Variants in DNAH12 observed in about 807,000 individuals in gnomAD.
The protein encoded by DNAH12 is dynein axonemal heavy chain 12.
In DNAH12, 285 loss-of-function variants were observed where a neutral mutation model predicts 371.5. That is an observed-to-expected ratio of 0.77 (90% confidence interval 0.70 to 0.85). The LOEUF (loss-of-function observed/expected upper bound fraction) is 0.85, where lower values mean the gene tolerates loss of function less well. Among genes scored for constraint, DNAH12 ranks in the 40% least tolerant of loss-of-function variants. DNAH12 has a pLI of 0.00. For synonymous variants in DNAH12, 1,200 were observed against 1,213.0 expected (o/e 0.99, Z 0.22); for missense variants, 3,611 against 3,689.4 (o/e 0.98, Z 0.55).
chr3:57,450,208 A>G (rs987053491), intron 25 of DNAH12, among the ~76,000 whole-genome samples: 4 of 141,488 alleles, frequency 2.8e-5, no homozygotes, highest in Admixed American at 1.5e-4. Context: ...AGATCGCACC[A>G]CTGCACTCCA....
intron 23 of DNAH12, among the ~76,000 whole-genome samples, chr3:57,453,786 G>C (rs1474925693): frequency 6.6e-6 from 1 of 151,980 alleles, no homozygotes; most frequent in Non-Finnish European, 1.5e-5. Flanking sequence ...TGTTGGCCAG[G>C]CTGGTCTCGA....
chr3:57,453,716 G>A (rs1322622004), intron 23 of DNAH12, among the ~76,000 whole-genome samples: 1 of 152,078 alleles, frequency 6.6e-6, no homozygotes, highest in East Asian at 1.9e-4. Flanking sequence ...TGGGACTACA[G>A]GCATGTGCCA....
intron 28 of DNAH12, 57 bp downstream of exon 28, chr3:57,445,117 A>T: frequency 6.8e-7 from 1 of 1,465,464 alleles, no homozygotes; most frequent in African/African-American, 1.4e-5. Flanking sequence ...GATTAACCTC[A>T]CTAAAGAAAA....
chr3:57,439,988 T>C (rs2065254306), intron 29 of DNAH12, among the ~76,000 whole-genome samples: 1 of 152,128 alleles, frequency 6.6e-6, no homozygotes, highest in Non-Finnish European at 1.5e-5. Context: ...TACCATCTCA[T>C]ACAAGTCAGA....
chr3:57,415,093 C>T (rs1211561827), intron 38 of DNAH12, among the ~76,000 whole-genome samples: 1 of 151,984 alleles, frequency 6.6e-6, no homozygotes, highest in Non-Finnish European at 1.5e-5. Context: ...TCATTTCTCC[C>T]TGGGTCTCCC....
Position 57,377,237 on chromosome 3 carries a change from T to C in DNAH12, c.8224-15A>G, listed in dbSNP as rs2063298894. The C allele has an allele frequency of 6.6e-6, 1 of 152,156 alleles. No homozygotes were observed. Among genetic ancestry groups the C allele is most frequent in the South Asian group, 2.1e-4 (1 of 4,828 alleles). 9.4% of individuals were successfully genotyped at this position (152,156 alleles called of 1,614,324 possible). A position where few individuals can be genotyped will look rare whatever the true frequency, so the allele number is the denominator to read the frequency against. On this transcript the variant is annotated splice_polypyrimidine_tract_variant and intron_variant, in intron 52 of 73. Coordinates refer to ENST00000495027, the MANE Select transcript of DNAH12 (RefSeq NM_001366028.2). ...GGAGCCACTACCTTTTTGGGAAGAA[T>C]ATATGCAGATATGATGTGTACTTTG...
At chr3:57,414,543 G>A (rs574134944) in intron 38 of DNAH12, among the ~76,000 whole-genome samples, 2 of 151,886 alleles carry the variant, frequency 1.3e-5, no homozygotes, top group African/African-American at 2.4e-5. Context: ...CTCCTCCCCC[G>A]CTCCACTCTC....
chr3:57,297,109 C>G, intron 70 of DNAH12, 125 bp from the exon 71 acceptor site: 2 of 1,077,936 alleles, frequency 1.9e-6, no homozygotes, highest in Non-Finnish European at 2.6e-6. Context: ...GGCCCTCTTC[C>G]CTGACGTCAA....
chr3:57,381,942 ACTG>A (rs2063401370), intron 50 of DNAH12, among the ~76,000 whole-genome samples: 1 of 151,616 alleles, frequency 6.6e-6, no homozygotes, highest in Non-Finnish European at 1.5e-5. Flanking sequence ...ATCTTGGCTC[ACTG>A]TAACCTCTGC....
intron 4 of DNAH12, among the ~76,000 whole-genome samples, chr3:57,515,427 C>G (rs779978528): frequency 4.2e-5 from 6 of 144,402 alleles, no homozygotes; most frequent in Non-Finnish European, 7.6e-5. Flanking sequence ...TCCCACTGGC[C>G]AAATGTGGAA....
chr3:57,541,043 C>G (rs574535557), intron 2 of DNAH12, among the ~76,000 whole-genome samples: 72 of 151,366 alleles, frequency 4.8e-4, no homozygotes, highest in South Asian at 1.5e-3. Context: ...CTCTCCCCCT[C>G]CCTTTTATTT....
At chr3:57,547,547 T>C (rs1203626165), upstream of DNAH12, among the ~76,000 whole-genome samples, 1 of 152,100 alleles carries the variant, frequency 6.6e-6, no homozygotes, top group Non-Finnish European at 1.5e-5. Context: ...ATAAATAATA[T>C]TGCCATAAAA....
rs2061353885 is a variant in DNAH12, at chr3:57,301,802, G to A, written c.11327C>T (p.Ser3776Leu). ...TCCCAGGGGCTTAAGGCTTGGGTAT[G>A]AACGTTTGGCCCATATTTCTGGAAC... Reference protein sequence around the residue: ...GKVPEIWAKRSYPSLKPLGSY... With the variant: ...GKVPEIWAKRLYPSLKPLGSY... The change falls in exon 70 of 74, where the codon TCA (serine) becomes TTA (leucine). Residue 3776 changes from serine (S) to leucine (L), a missense_variant. Physicochemically the swap from Ser to Leu is moderately radical, Grantham distance 145. This residue lies in a region of DNAH12 where 2,266 missense variants were observed against 2,236.9 expected (regional missense o/e 1.01). Coordinates refer to ENST00000495027, the MANE Select transcript of DNAH12 (RefSeq NM_001366028.2). The A allele has an allele frequency of 1.1e-5, 17 of 1,551,566 alleles. No homozygotes were observed. The highest frequency in any genetic ancestry group is 1.5e-5 in the Non-Finnish European group (17 of 1,146,988).
intron 12 of DNAH12, among the ~76,000 whole-genome samples, chr3:57,486,481 C>A (rs970569541): frequency 7.2e-5 from 11 of 151,774 alleles, no homozygotes; most frequent in African/African-American, 2.7e-4. Flanking sequence ...CAGGAAAAAA[C>A]CATGTAAAAA....
Position 57,419,447 on chromosome 3 carries a change from G to C in DNAH12, c.5634C>G (p.Ile1878Met). The stretch of plus-strand genomic sequence containing the variant: ...TAGGGACTATGATATCTTGAATCTT[G>C]ATTTGTTTATCTCCTAAATTAGTAT... ...IKNTNLGDKQ[I>M]KIQDIIVPTM... Residue 1878 changes from isoleucine (I) to methionine (M), a missense_variant, in exon 37 of 74, where the codon ATC becomes ATG. Physicochemically the swap from Ile to Met is conservative, Grantham distance 10 (BLOSUM62 1). Transcript: ENST00000495027. 1 of 1,502,354 alleles carries C rather than the reference G, an allele frequency of 6.7e-7. No individual in the cohort carries two copies. Among genetic ancestry groups the C allele is most frequent in the Non-Finnish European group, 8.9e-7 (1 of 1,128,882 alleles). The allele number at this position is 1,502,354 out of a possible 1,614,324, so 93.1% of individuals were successfully genotyped here.
chr3:57,311,960 A>G (rs2061592400), intron 66 of DNAH12, among the ~76,000 whole-genome samples: 1 of 152,156 alleles, frequency 6.6e-6, no homozygotes, highest in Non-Finnish European at 1.5e-5. Flanking sequence ...AGAGTAGGAA[A>G]CAGTCTAGTA....
upstream of DNAH12, among the ~76,000 whole-genome samples, chr3:57,545,175 T>C (rs1407592786): frequency 2.6e-5 from 4 of 151,806 alleles, no homozygotes. Context: ...TTTTTTTTTT[T>C]TTGAGACAGA....
chr3:57,429,276 A>G (rs990438104), intron 33 of DNAH12, among the ~76,000 whole-genome samples: 1 of 151,952 alleles, frequency 6.6e-6, no homozygotes, highest in Admixed American at 6.6e-5. Context: ...TCCTGGGTTC[A>G]AGCGATTCTC....
chr3:57,538,560 T>C (rs1477682856), intron 2 of DNAH12, among the ~76,000 whole-genome samples: 4 of 152,190 alleles, frequency 2.6e-5, no homozygotes, highest in Non-Finnish European at 5.9e-5. Context: ...AAAAGTACAT[T>C]GTGTTATAAC....
Sources: allele counts gnomAD v4.1 joint callset (sites outside exome capture counted in the v4.1 genomes callset), GRCh38; gene constraint gnomAD v4.1.1; regional missense constraint gnomAD v4.1.1; transcripts MANE v1.5; gene names NCBI Gene and HGNC (gene_info 2026-07-23, HGNC 2026-07-21).